Variants in CC2D1A observed in about 807,000 individuals in gnomAD.
CC2D1A encodes the protein coiled-coil and C2 domain-containing protein 1A.
A neutral mutation model predicts 123.8 loss-of-function variants in CC2D1A; 68 were observed. The ratio of observed to expected loss-of-function variants is 0.55; its 90% CI spans 0.45 to 0.67. CC2D1A has a LOEUF of 0.67. Among genes scored for constraint, CC2D1A ranks in the 30% least tolerant of loss-of-function variants. The pLI, the probability that CC2D1A is intolerant of heterozygous loss-of-function variation, is 0.00. For missense variants in CC2D1A, 1,185 were observed against 1,290.3 expected, an observed-to-expected ratio of 0.92 and a Z score of 1.25; for synonymous variants, 477 against 528.0, an observed-to-expected ratio of 0.90 and a Z score of 1.32.
chr19:13,929,598 T>A lies in CC2D1A; in HGVS notation c.2648T>A (p.Ile883Asn). The change falls in exon 26 of 29, where the codon ATC becomes AAC. Residue 883 changes from isoleucine (I) to asparagine (N), a missense_variant. By Grantham distance (149) the Ile-to-Asn change is moderately radical. Coordinates refer to ENST00000318003, the MANE Select transcript of CC2D1A (RefSeq NM_017721.5). ...PPEVAQQYQD[I>N]MQRSQWQRAQ... ...GAAGTGGCCCAGCAGTACCAGGACA[T>A]CATGCAACGCAGCCAGTGGCAGAGG... is the stretch of plus-strand genomic sequence containing the variant. 6.2e-7 allele frequency: 1 copy of A among 1,600,650 alleles called. No individual in the cohort carries two copies. Among genetic ancestry groups the A allele is most frequent in the South Asian group, 1.1e-5 (1 of 90,284 alleles).
chr19:13,921,879 G>C (rs1418601149), intron 14 of CC2D1A, among the ~76,000 whole-genome samples: 1 of 152,226 alleles, frequency 6.6e-6, no homozygotes. Context: ...CTGTCATGGA[G>C]TGGATGTTCT....
rs73922801 is a variant in CC2D1A at position 13,918,535 on chromosome 19, G to A, written c.905G>A (p.Arg302Gln). ...SFDAVLEALS[R>Q]GEPVDLSCLP... ...GATGCTGTCTTGGAGGCCCTGAGCC[G>A]GGGTGAGCCCGTGGACCTCTCCTGC... is the stretch of plus-strand genomic sequence containing the variant. The change falls in exon 8 of 29, where the codon CGG (arginine) becomes CAG (glutamine). Residue 302 changes from arginine to glutamine, a missense_variant. Arg to Gln is a conservative substitution (Grantham distance 43, BLOSUM62 1). Transcript: ENST00000318003. The A allele has an allele frequency of 4.6e-4, 742 of 1,613,760 alleles. 2 individuals carry two copies. The African/African-American group carries it at 8.5e-3, about 18-fold the overall frequency.
rs202107467 is a variant in CC2D1A at position 13,926,085 on chromosome 19, CACAT to C, written c.1941-430_1941-427del. On this transcript the variant is annotated intron_variant, in intron 17 of 28. Coordinates refer to ENST00000318003, the MANE Select transcript of CC2D1A (RefSeq NM_017721.5). Reference sequence around the variant, plus strand: ...ATATATACACACACACACACACACACACATATATATTAAGTGAAAAGAAGGTCCC... The same window carrying C: ...ATATATACACACACACACACACACACATATATTAAGTGAAAAGAAGGTCCC... Among the ~76,000 whole-genome samples, 903 of 112,130 alleles carry C rather than the reference CACAT, an allele frequency of 8.1e-3. 31 individuals carry two copies. Among genetic ancestry groups the C allele is most frequent in the African/African-American group, 0.037 (864 of 23,576 alleles). 73.6% of individuals were successfully genotyped at this position (112,130 alleles called of 152,430 possible).
chr19:13,920,226 G>C, intron 12 of CC2D1A: 1 of 516,054 alleles, frequency 1.9e-6, no homozygotes, highest in Non-Finnish European at 3.4e-6. Flanking sequence ...ACGCCAGTCT[G>C]GGTGACAGAG....
chr19:13,912,220 G>A, intron 2 of CC2D1A, 103 bp from the exon 3 acceptor site: 1 of 1,278,190 alleles, frequency 7.8e-7, no homozygotes. Context: ...GAGATGAAAT[G>A]GGGAAGTCAG....
chr19:13,925,978 ATATATATATACATATATGTGTG>A (rs1568418618), intron 17 of CC2D1A, among the ~76,000 whole-genome samples: 7 of 134,066 alleles, frequency 5.2e-5, no homozygotes, highest in South Asian at 2.2e-4. Flanking sequence ...ATATATGTGT[ATATATATATACATATATGTGTG>A]TATATATATA....
chr19:13,927,764 A>G (rs1971696974), intron 22 of CC2D1A, 129 bp from the exon 23 acceptor site: 2 of 972,112 alleles, frequency 2.1e-6, no homozygotes, highest in Non-Finnish European at 3.1e-6. Flanking sequence ...CCTGGACAAC[A>G]GAGCGAGACT....
chr19:13,927,735 T>G (rs1971694911), intron 22 of CC2D1A, 158 bp from the exon 23 acceptor site: 1 of 756,120 alleles, frequency 1.3e-6, no homozygotes, highest in Non-Finnish European at 2.2e-6. Context: ...TGAGCCCAGA[T>G]TGCACCACTG....
intron 17 of CC2D1A, among the ~76,000 whole-genome samples, chr19:13,925,318 C>T (rs1165257627): frequency 6.6e-6 from 1 of 152,006 alleles, no homozygotes; most frequent in African/African-American, 2.4e-5. Flanking sequence ...TGCTGGCTCA[C>T]GCCTGTAATC....
At position 13,929,585 on chromosome 19, in the gene CC2D1A, C is replaced by CAGTA; in HGVS notation, c.2636_2639dup (p.Tyr880Ter). The CAGTA allele has an allele frequency of 6.2e-7, 1 of 1,606,774 alleles. No homozygotes were observed. Among genetic ancestry groups the CAGTA allele is most frequent in the South Asian group, 1.1e-5 (1 of 90,644 alleles). On this transcript the variant is annotated stop_gained and frameshift_variant, in exon 26 of 29. Coordinates refer to ENST00000318003, the MANE Select transcript of CC2D1A (RefSeq NM_017721.5). LOFTEE classifies it high-confidence loss of function. ...GCCGGTGCCCCCAGAAGTGGCCCAG[C>CAGTA]AGTACCAGGACATCATGCAACGCAG...
Position 13,929,551 on chromosome 19 carries a change from G to T in CC2D1A, c.2601G>T (p.Gln867His), listed in dbSNP as rs758708475. Reference sequence around the variant, plus strand: ...TCCTCTAGATCCTGGCCCTCAGGCAGGCGCGGCGGCCGGTGCCCCCAGAAG... The same window carrying T: ...TCCTCTAGATCCTGGCCCTCAGGCATGCGCGGCGGCCGGTGCCCCCAGAAG... ...RLERKILALR[Q>H]ARRPVPPEVA... The change falls in exon 26 of 29, where the codon CAG (glutamine) becomes CAT (histidine). Residue 867 changes from glutamine (Q) to histidine (H), a missense_variant. Transcript: ENST00000318003. 86 of 1,611,258 alleles carry T rather than the reference G, an allele frequency of 5.3e-5. No homozygotes were observed. In the Middle Eastern group the frequency reaches 9.9e-4, roughly 18 times the overall value.
intron 12 of CC2D1A, chr19:13,920,223 T>G (rs1253630763): frequency 3.9e-6 from 2 of 511,376 alleles, no homozygotes; most frequent in Non-Finnish European, 6.8e-6. Flanking sequence ...TGTACGCCAG[T>G]CTGGGTGACA....
intron 2 of CC2D1A, among the ~76,000 whole-genome samples, chr19:13,911,769 A>G (rs1037394299): frequency 1.5e-4 from 20 of 133,792 alleles, no homozygotes; most frequent in Admixed American, 1.1e-3. Context: ...AGGCTGGAGT[A>G]CAGTGGCGCG....
intron 1 of CC2D1A, among the ~76,000 whole-genome samples, chr19:13,907,743 ACC>A (rs1568401084): frequency 1.3e-5 from 2 of 152,254 alleles, no homozygotes; most frequent in East Asian, 3.9e-4. Context: ...CCTCCAAGAG[ACC>A]CTACATTACA....
chr19:13,909,726 TTGTTTCCTTCCTCC>T, intron 1 of CC2D1A, 83 bp from the exon 2 acceptor site: 1 of 1,520,828 alleles, frequency 6.6e-7, no homozygotes. Flanking sequence ...CTGGGAGACC[TTGTTTCCTTCCTCC>T]CAAGGGGACT....
In CC2D1A at chr19:13,925,984, A is replaced by ACG. The variant is rs1208213870; in HGVS notation, c.1941-533_1941-532insCG. Among the ~76,000 whole-genome samples, 89 of 134,492 alleles carry ACG rather than the reference A, an allele frequency of 6.6e-4. 1 individual carries two copies. The highest frequency in any genetic ancestry group is 2.7e-3 in the African/African-American group (86 of 31,520). 88.2% of individuals were successfully genotyped at this position (134,492 alleles called of 152,430 possible). A position where few individuals can be genotyped will look rare whatever the true frequency, so the allele number is the denominator to read the frequency against. ...TACACGTATATATATGTGTATATAT[A>ACG]TATACATATATGTGTGTATATATAT... On this transcript the variant is annotated intron_variant, in intron 17 of 28. Coordinates refer to ENST00000318003, the MANE Select transcript of CC2D1A (RefSeq NM_017721.5).
intron 11 of CC2D1A, among the ~76,000 whole-genome samples, 165 bp downstream of exon 11, chr19:13,919,367 T>A (rs1193851753): frequency 3.9e-5 from 6 of 152,200 alleles, no homozygotes; most frequent in Admixed American, 6.5e-5. Context: ...GGGAGCTGAA[T>A]ACAACATATT....
rs1970754704 is a variant in CC2D1A, at chr19:13,906,692, G to A, written c.60+191G>A. 6.6e-6 allele frequency among the ~76,000 whole-genome samples: 1 copy of A among 152,224 alleles called. No individual in the cohort carries two copies. The highest frequency in any genetic ancestry group is 2.4e-5 in the African/African-American group (1 of 41,468). On this transcript the variant is annotated intron_variant, in intron 1 of 28. Transcript: ENST00000318003. The surrounding 1 kb of genome is among the most constrained non-coding windows in gnomAD (Gnocchi z 4.1). ...TGGCCTTGGCTCCCCAGCTCCTGGG[G>A]CCCTGCCCCGGGTTCGGGGCCACCT...
chr19:13,923,179 C>T lies in CC2D1A; in HGVS notation c.1642-154C>T, dbSNP rs938551238. ...TTGCACTCCAGCCTGGGCAACAGAGCGAGACTCCATCTCAAAAAAAAAAAA... is the reference window on the plus strand; with the variant it reads ...TTGCACTCCAGCCTGGGCAACAGAGTGAGACTCCATCTCAAAAAAAAAAAA... On this transcript the variant is annotated intron_variant, in intron 14 of 28. Coordinates refer to ENST00000318003, the MANE Select transcript of CC2D1A (RefSeq NM_017721.5). The surrounding 1 kb of genome is among the most constrained non-coding windows in gnomAD (Gnocchi z 5.3). The T allele has an allele frequency of 1.0e-4, 94 of 921,418 alleles. No individual in the cohort carries two copies. The highest frequency in any genetic ancestry group is 1.4e-4 in the Non-Finnish European group (87 of 618,742). The allele number at this position is 921,418 out of a possible 1,614,324, so 57.1% of individuals were successfully genotyped here. A position where few individuals can be genotyped will look rare whatever the true frequency, so the allele number is the denominator to read the frequency against.
Sources: gnomAD v4.1 joint callset for allele counts (sites outside exome capture counted in the v4.1 genomes callset) on GRCh38, gnomAD v4.1.1 for gene constraint, Gnocchi (gnomAD v3.1) non-coding constraint, MANE v1.5 for transcripts, NCBI Gene and HGNC (gene_info 2026-07-23, HGNC 2026-07-21) for gene names.